MACROD2: variants seen among roughly 807,000 people sequenced by gnomAD.
MACROD2 encodes ADP-ribose glycohydrolase MACROD2.
In MACROD2, 36 loss-of-function variants were observed where a neutral mutation model predicts 70.4. The ratio of observed to expected loss-of-function variants is 0.51; its 90% CI spans 0.39 to 0.68. The LOEUF is 0.68. MACROD2 is among the 30% of genes least tolerant of loss of function. The probability of loss-of-function intolerance (pLI) is 0.00; values close to 1 mark genes in which losing one functional copy is unlikely to be tolerated. For missense variants in MACROD2, 496 were observed against 538.4 expected (o/e 0.92, Z 0.78); for synonymous variants, 172 against 178.8 (o/e 0.96, Z 0.30).
intron 4 of MACROD2, among the ~76,000 whole-genome samples, chr20:14,611,452 GT>G (rs11473891): frequency 0.18 from 20,575 of 113,230 alleles, 1,449 homozygotes; most frequent in Non-Finnish European, 0.25. Context: ...ATGCCCTGAG[GT>G]TTTTTTTTTT....
chr20:15,598,890 A>G lies in MACROD2; in HGVS notation c.645+99043A>G, dbSNP rs141598861. ...TAGTCATTGTTTACGTGAAATTCCA[A>G]TTTCACTGGGTGTCCTGAATTTTAA... On this transcript the variant is annotated intron_variant, in intron 8 of 17. Coordinates refer to ENST00000684519, the MANE Select transcript of MACROD2 (RefSeq NM_001351661.2). Among the ~76,000 whole-genome samples the G allele has an allele frequency of 3.7e-3, 564 of 152,308 alleles. 2 individuals are homozygous for G. Among genetic ancestry groups the G allele is most frequent in the Middle Eastern group, 0.014 (4 of 294 alleles).
intron 3 of MACROD2, among the ~76,000 whole-genome samples, chr20:14,316,932 C>T (rs1039002843): frequency 6.6e-6 from 1 of 152,094 alleles, no homozygotes; most frequent in Non-Finnish European, 1.5e-5. Flanking sequence ...GCTCTCCACC[C>T]CCTATCTTCC....
chr20:14,340,767 A>G (rs1203495616), intron 3 of MACROD2, among the ~76,000 whole-genome samples: 5 of 152,200 alleles, frequency 3.3e-5, no homozygotes, highest in Non-Finnish European at 7.3e-5. Context: ...ATTGAAAGCA[A>G]CTGGTTTGGA....
At chr20:14,239,165 A>G (rs1276540977) in intron 3 of MACROD2, among the ~76,000 whole-genome samples, 2 of 152,188 alleles carry the variant, frequency 1.3e-5, no homozygotes, top group Non-Finnish European at 2.9e-5. Flanking sequence ...ACAGTTAACT[A>G]TAGAGGTTAA....
intron 5 of MACROD2, among the ~76,000 whole-genome samples, chr20:14,841,806 T>C (rs974282234): frequency 6.6e-6 from 1 of 152,070 alleles, no homozygotes; most frequent in African/African-American, 2.4e-5. Flanking sequence ...AATAAAGAAA[T>C]ATTCTATGAC....
intron 3 of MACROD2, among the ~76,000 whole-genome samples, chr20:14,098,297 T>C (rs2054255592): frequency 6.6e-6 from 1 of 152,250 alleles, no homozygotes; most frequent in Admixed American, 6.5e-5. Context: ...TTTACTTGAA[T>C]TGCATTTAGG....
chr20:14,105,033 C>A (rs2054350454), intron 3 of MACROD2, among the ~76,000 whole-genome samples: 1 of 152,024 alleles, frequency 6.6e-6, no homozygotes, highest in African/African-American at 2.4e-5. Flanking sequence ...TCATGTGCAA[C>A]CTTATTTGGA....
chr20:15,095,251 A>G (rs2123176645), intron 5 of MACROD2, among the ~76,000 whole-genome samples: 1 of 149,798 alleles, frequency 6.7e-6, no homozygotes, highest in East Asian at 2.0e-4. Context: ...AATTTTTTGT[A>G]TTTTTAGTAG....
intron 6 of MACROD2, among the ~76,000 whole-genome samples, chr20:15,378,397 G>A (rs1028812607): frequency 6.6e-6 from 1 of 152,024 alleles, no homozygotes; most frequent in African/African-American, 2.4e-5. Flanking sequence ...GGAATGGTGG[G>A]GGAAGAGAAA....
chr20:14,594,036 G>C lies in MACROD2; in HGVS notation c.302-90807G>C, dbSNP rs187910237. 2.6e-5 allele frequency among the ~76,000 whole-genome samples: 4 copies of C among 152,244 alleles called. No homozygotes were observed. The East Asian group carries it at 7.7e-4, about 29-fold the overall frequency. ...TTTCAGAGACTAAGACTCTCAAACA[G>C]ATAAATAAATATACTAAATGAGACA... On this transcript the variant is annotated intron_variant, in intron 4 of 17. Coordinates refer to ENST00000684519, the MANE Select transcript of MACROD2 (RefSeq NM_001351661.2).
intron 5 of MACROD2, chr20:14,934,038 T>C (rs1409153846): frequency 2.6e-5 from 4 of 152,174 alleles, no homozygotes; most frequent in Non-Finnish European, 5.9e-5. Flanking sequence ...GCACAACTGA[T>C]AAGTAGGTAG....
intron 3 of MACROD2, among the ~76,000 whole-genome samples, chr20:14,399,463 G>A (rs373408687): frequency 2.6e-5 from 4 of 151,746 alleles, no homozygotes; most frequent in African/African-American, 4.8e-5. Flanking sequence ...TCTTTGTTAC[G>A]TAAGATGTAA....
intron 5 of MACROD2, among the ~76,000 whole-genome samples, chr20:14,780,151 G>A (rs1473546993): frequency 1.3e-5 from 2 of 152,094 alleles, no homozygotes; most frequent in African/African-American, 2.4e-5. Context: ...ACTTGATACC[G>A]GGAATTCGAG....
chr20:14,655,319 C>CTGTGTG (rs11470954), intron 4 of MACROD2, among the ~76,000 whole-genome samples: 27,715 of 141,410 alleles, frequency 0.2, 2,639 homozygotes, highest in Non-Finnish European at 0.2. Flanking sequence ...AAAGTGGACA[C>CTGTGTG]TGTGTGTGTG....
At position 16,049,847 on chromosome 20, in the gene MACROD2, G is replaced by A; in HGVS notation, c.1318G>A (p.Ala440Thr). The stretch of plus-strand genomic sequence containing the variant: ...GTCTTCAGCAGGGGCACAAGATGAA[G>A]CGAAGGAACAAAGAAATGGAACTAA... ...DQLIAGAQDEAKEQRNGTK is the reference protein window; with the variant it reads ...DQLIAGAQDETKEQRNGTK The change falls in exon 18 of 18, where the codon GCG becomes ACG. Residue 440 changes from alanine (A) to threonine (T), a missense_variant. Physicochemically the swap from Ala to Thr is moderately conservative, Grantham distance 58 (BLOSUM62 0). Transcript: ENST00000684519. 1 of 1,606,144 alleles carries A rather than the reference G, an allele frequency of 6.2e-7. No homozygotes were observed. The highest frequency in any genetic ancestry group is 1.1e-5 in the South Asian group (1 of 90,928).
intron 2 of MACROD2, among the ~76,000 whole-genome samples, chr20:14,035,757 C>T (rs540402866): frequency 1.4e-4 from 21 of 152,228 alleles, no homozygotes; most frequent in African/African-American, 4.3e-4. Context: ...TCTTTCCTGT[C>T]GGTTCCCAAA....
chr20:14,319,019 G>C (rs996558771), intron 3 of MACROD2, among the ~76,000 whole-genome samples: 3 of 152,136 alleles, frequency 2.0e-5, no homozygotes, highest in African/African-American at 7.2e-5. Flanking sequence ...GTGGGATGTA[G>C]GTAGGTAATC....
chr20:14,754,156 A>G (rs2071910409), intron 5 of MACROD2, among the ~76,000 whole-genome samples: 1 of 152,170 alleles, frequency 6.6e-6, no homozygotes, highest in Non-Finnish European at 1.5e-5. Flanking sequence ...ATGCCAGATG[A>G]TCCAGCATTA....
chr20:14,720,569 T>TTGTTTTTTTTTTTTTTTTTG (rs2071455651), intron 5 of MACROD2, among the ~76,000 whole-genome samples: 1 of 84,094 alleles, frequency 1.2e-5, no homozygotes. Context: ...TTTTTTTTTT[T>TTGTTTTTTTTTTTTTTTTTG]TGTGAGGCAG....
Sources: gnomAD v4.1 joint callset for allele counts (sites outside exome capture counted in the v4.1 genomes callset) on GRCh38, gnomAD v4.1.1 for gene constraint, MANE v1.5 for transcripts, NCBI Gene and HGNC (gene_info 2026-07-23, HGNC 2026-07-21) for gene names.